Variants in ROR1 observed in about 807,000 individuals in gnomAD.
ROR1 encodes ROR family WNT receptor 1.
A neutral mutation model predicts 78.8 loss-of-function variants in ROR1; 19 were observed. That is an observed-to-expected ratio of 0.24 (90% CI 0.17 to 0.35). ROR1 has a LOEUF of 0.35. ROR1 is among the 10% of genes least tolerant of loss of function. The probability of loss-of-function intolerance (pLI) is 1.00; values close to 1 mark genes in which losing one functional copy is unlikely to be tolerated. For missense variants in ROR1, 917 were observed against 1,177.8 expected (o/e 0.78, Z 3.24); for synonymous variants, 386 against 433.6 (o/e 0.89, Z 1.36).
intron 7 of ROR1, among the ~76,000 whole-genome samples, chr1:64,147,715 A>G (rs889163024): frequency 2.6e-5 from 4 of 152,178 alleles, no homozygotes; most frequent in Non-Finnish European, 4.4e-5. Context: ...CTGTTTTACC[A>G]TATGAGAAAA....
At chr1:64,053,257 A>G (rs1232213988) in intron 4 of ROR1, among the ~76,000 whole-genome samples, 3 of 152,182 alleles carry the variant, frequency 2.0e-5, no homozygotes, top group Non-Finnish European at 4.4e-5. Context: ...CATTAGACAT[A>G]TGAAACCTGG....
intron 4 of ROR1, among the ~76,000 whole-genome samples, chr1:64,128,291 CAAAAAAAAAA>C (rs72429774): frequency 9.9e-6 from 1 of 101,280 alleles, no homozygotes; most frequent in Non-Finnish European, 1.8e-5. Context: ...CCTGTCTCTA[CAAAAAAAAAA>C]AAAAAAAAAG....
chr1:63,843,146 A>G, intron 1 of ROR1: 1 of 843,144 alleles, frequency 1.2e-6, no homozygotes, highest in Non-Finnish European at 2.0e-6. Flanking sequence ...CCCCGAGGGC[A>G]GATGTGGGGC....
chr1:63,982,757 G>T lies in ROR1; in HGVS notation c.92-26548G>T, dbSNP rs146269267. On this transcript the variant is annotated intron_variant, in intron 1 of 8. Transcript: ENST00000371079. ...GAATGGGAATCCCTTTGGTACTAAA[G>T]GGAGCGGTAATAATAATAACAGAAA... Among the ~76,000 whole-genome samples the T allele has an allele frequency of 7.4e-3, 1,125 of 152,256 alleles. 7 individuals carry two copies. Among genetic ancestry groups the T allele is most frequent in the Non-Finnish European group, 0.013 (851 of 68,020 alleles).
At chr1:63,821,360 G>A (rs540724759) in intron 1 of ROR1, among the ~76,000 whole-genome samples, 27 of 152,272 alleles carry the variant, frequency 1.8e-4, no homozygotes, top group African/African-American at 6.5e-4. Context: ...TCCTGCGATG[G>A]CATTTGTGGT....
At chr1:63,957,681 G>A (rs1645994468) in intron 1 of ROR1, among the ~76,000 whole-genome samples, 1 of 151,734 alleles carries the variant, frequency 6.6e-6, no homozygotes, top group Non-Finnish European at 1.5e-5. Flanking sequence ...TCTAACGTTT[G>A]TCTACATAGT....
intron 7 of ROR1, among the ~76,000 whole-genome samples, chr1:64,146,246 C>A (rs996806380): frequency 1.1e-4 from 17 of 152,186 alleles, no homozygotes; most frequent in African/African-American, 4.1e-4. Flanking sequence ...GAGGCCGTGG[C>A]AGGCAGATCA....
chr1:63,987,145 C>T (rs1308677566), intron 1 of ROR1, among the ~76,000 whole-genome samples: 1 of 152,074 alleles, frequency 6.6e-6, no homozygotes, highest in Admixed American at 6.6e-5. Flanking sequence ...GCAATTAGAG[C>T]CTACAGAAAC....
intron 4 of ROR1, among the ~76,000 whole-genome samples, chr1:64,120,420 T>C (rs1036027259): frequency 6.6e-6 from 1 of 152,232 alleles, no homozygotes; most frequent in Non-Finnish European, 1.5e-5. Context: ...AAAGTAATTT[T>C]AATAAGCTAT....
intron 2 of ROR1, among the ~76,000 whole-genome samples, chr1:64,011,111 A>G (rs1287741952): frequency 1.3e-5 from 2 of 152,184 alleles, no homozygotes; most frequent in Non-Finnish European, 2.9e-5. Context: ...GCACTTTAGG[A>G]TGGTGGAATG....
At chr1:63,835,542 T>G (rs1423007911) in intron 1 of ROR1, among the ~76,000 whole-genome samples, 1 of 152,206 alleles carries the variant, frequency 6.6e-6, no homozygotes, top group African/African-American at 2.4e-5. Context: ...TGATACCTAC[T>G]GTGTGCAAAA....
At chr1:63,957,425 G>A (rs904268168) in intron 1 of ROR1, among the ~76,000 whole-genome samples, 25 of 152,070 alleles carry the variant, frequency 1.6e-4, no homozygotes, top group African/African-American at 5.1e-4. Flanking sequence ...TGGGAGATGC[G>A]AATCCATGAT....
At chr1:63,926,330 T>A in intron 1 of ROR1, among the ~76,000 whole-genome samples, 1 of 151,688 alleles carries the variant, frequency 6.6e-6, no homozygotes, top group Non-Finnish European at 1.5e-5. Flanking sequence ...GTTGTAGATA[T>A]GTGGCGTTAT....
chr1:63,815,101 T>A (rs1200260099), intron 1 of ROR1, among the ~76,000 whole-genome samples: 1 of 152,180 alleles, frequency 6.6e-6, no homozygotes, highest in Non-Finnish European at 1.5e-5. Flanking sequence ...TCTGTTTGTT[T>A]TTGCAAATGC....
intron 4 of ROR1, among the ~76,000 whole-genome samples, chr1:64,091,030 C>CT (rs1647192650): frequency 6.6e-6 from 1 of 152,106 alleles, no homozygotes; most frequent in South Asian, 2.1e-4. Flanking sequence ...AAGTTAAATA[C>CT]TTTTTTAAAG....
intron 1 of ROR1, among the ~76,000 whole-genome samples, chr1:63,945,869 C>G (rs978824115): frequency 2.0e-5 from 3 of 152,212 alleles, no homozygotes; most frequent in African/African-American, 7.2e-5. Context: ...ATAGGTTGCT[C>G]TAGCTGCAAC....
rs191855543 is a variant in ROR1, at chr1:63,839,321, G to A, written c.91+64813G>A. ...AGAGGAGCTGTTCTGTAATGTTTTGGTAAAAGAATGTCTGTCTCCATATCA... is the reference window on the plus strand; with the variant it reads ...AGAGGAGCTGTTCTGTAATGTTTTGATAAAAGAATGTCTGTCTCCATATCA... On this transcript the variant is annotated intron_variant, in intron 1 of 8. Coordinates refer to ENST00000371079, the MANE Select transcript of ROR1 (RefSeq NM_005012.4). Among the ~76,000 whole-genome samples the A allele has an allele frequency of 2.6e-5, 4 of 151,922 alleles. No individual in the cohort carries two copies. In the South Asian group the frequency reaches 6.2e-4, roughly 24 times the overall value.
chr1:64,129,295 T>TC (rs1648830098), intron 4 of ROR1, among the ~76,000 whole-genome samples: 1 of 152,196 alleles, frequency 6.6e-6, no homozygotes, highest in African/African-American at 2.4e-5. Context: ...AACCTTCTCT[T>TC]TTTCAATCCA....
chr1:64,134,892 G>T, intron 4 of ROR1, among the ~76,000 whole-genome samples: 1 of 151,800 alleles, frequency 6.6e-6, no homozygotes, highest in Non-Finnish European at 1.5e-5. Flanking sequence ...GGGATTACAG[G>T]CACCTGCCAC....
Sources: gnomAD v4.1 joint callset for allele counts (sites outside exome capture counted in the v4.1 genomes callset) on GRCh38, gnomAD v4.1.1 for gene constraint, MANE v1.5 for transcripts, NCBI Gene and HGNC (gene_info 2026-07-23, HGNC 2026-07-21) for gene names.